GMDS: variants seen among roughly 807,000 people sequenced by gnomAD.
The protein encoded by GMDS is GDP-mannose 4,6 dehydratase.
GMDS carries 20 observed loss-of-function variants against 49.9 expected under a neutral mutation model. The ratio of observed to expected loss-of-function variants is 0.40; its 90% CI spans 0.28 to 0.58. The LOEUF (loss-of-function observed/expected upper bound fraction) is 0.58. Ranked by LOEUF, GMDS falls within the 20% of genes least tolerant of loss-of-function variation. GMDS has a pLI of 0.42. For missense variants in GMDS, 362 were observed against 481.4 expected (o/e 0.75, Z 2.32); for synonymous variants, 177 against 178.6 (o/e 0.99, Z 0.07).
intron 1 of GMDS, among the ~76,000 whole-genome samples, chr6:2,146,054 C>G (rs544371860): frequency 6.6e-6 from 1 of 152,164 alleles, no homozygotes; most frequent in Non-Finnish European, 1.5e-5. Flanking sequence ...ATGAAAGATC[C>G]TGAGTTTTCA....
At chr6:2,075,086 G>A (rs9501799) in intron 4 of GMDS, among the ~76,000 whole-genome samples, 3,980 of 152,112 alleles carry the variant, frequency 0.026, 201 homozygotes, top group African/African-American at 0.09. Context: ...GATGCTTCCA[G>A]CTTTATTCCT....
intron 1 of GMDS, among the ~76,000 whole-genome samples, chr6:2,168,625 T>C (rs1213215970): frequency 2.0e-5 from 3 of 152,266 alleles, no homozygotes; most frequent in African/African-American, 4.8e-5. Context: ...GCTTTTTCTT[T>C]TCTTTGCTGT....
At chr6:1,917,552 A>G (rs1295335486) in intron 7 of GMDS, among the ~76,000 whole-genome samples, 1 of 152,234 alleles carries the variant, frequency 6.6e-6, no homozygotes, top group Non-Finnish European at 1.5e-5. Flanking sequence ...AGATCTTTAT[A>G]TTTTATTTTC....
intron 6 of GMDS, among the ~76,000 whole-genome samples, chr6:1,958,087 T>C (rs2127292931): frequency 6.6e-6 from 1 of 150,594 alleles, no homozygotes; most frequent in South Asian, 2.1e-4. Context: ...ATTACAGATG[T>C]GGGGCACTGT....
chr6:2,074,906 T>G (rs1772235255), intron 4 of GMDS, among the ~76,000 whole-genome samples: 1 of 152,212 alleles, frequency 6.6e-6, no homozygotes, highest in African/African-American at 2.4e-5. Context: ...GAGGGTGTAC[T>G]TTCCCTAACG....
chr6:1,740,399 A>T (rs1388876296), intron 8 of GMDS, among the ~76,000 whole-genome samples: 1 of 152,096 alleles, frequency 6.6e-6, no homozygotes, highest in Non-Finnish European at 1.5e-5. Context: ...TCTACTAAAA[A>T]TACAAAAATT....
intron 7 of GMDS, among the ~76,000 whole-genome samples, chr6:1,799,663 GGGAGGGAGAATTAAAACT>G (rs1459889061): frequency 1.3e-5 from 2 of 152,144 alleles, no homozygotes; most frequent in African/African-American, 2.4e-5. Flanking sequence ...GGGCTGGGGA[GGGAGGGAGAATTAAAACT>G]GGAGGGAGAC....
chr6:2,145,761 C>T (rs542734564), intron 1 of GMDS, among the ~76,000 whole-genome samples: 5 of 152,086 alleles, frequency 3.3e-5, no homozygotes, highest in African/African-American at 4.8e-5. Context: ...TTAAAGTATA[C>T]GGAGGACTGC....
chr6:2,112,117 A>G (rs538018479), intron 4 of GMDS, among the ~76,000 whole-genome samples: 1 of 152,358 alleles, frequency 6.6e-6, no homozygotes, highest in South Asian at 2.1e-4. Context: ...TTCGAAGGAC[A>G]TTCTAAGAGG....
chr6:2,002,314 A>C (rs1766873075), intron 4 of GMDS, among the ~76,000 whole-genome samples: 1 of 152,200 alleles, frequency 6.6e-6, no homozygotes, highest in South Asian at 2.1e-4. Context: ...ATAATCAACA[A>C]AAGTTATGTA....
At chr6:1,626,973 C>T (rs1277937632) in intron 9 of GMDS, among the ~76,000 whole-genome samples, 1 of 152,234 alleles carries the variant, frequency 6.6e-6, no homozygotes, top group Admixed American at 6.5e-5. Flanking sequence ...AGCCTAGCTC[C>T]AATACTGCAG....
intron 7 of GMDS, among the ~76,000 whole-genome samples, chr6:1,811,353 C>A (rs1207888819): frequency 6.6e-6 from 1 of 152,160 alleles, no homozygotes; most frequent in Non-Finnish European, 1.5e-5. Context: ...ACAAACAAGT[C>A]ATGGAAGCCT....
intron 1 of GMDS, among the ~76,000 whole-genome samples, chr6:2,213,997 C>G (rs1432063740): frequency 6.6e-6 from 1 of 152,124 alleles, no homozygotes; most frequent in African/African-American, 2.4e-5. Flanking sequence ...GATTCCAGAT[C>G]TGGTGCAGGA....
intron 4 of GMDS, among the ~76,000 whole-genome samples, chr6:1,984,547 C>T (rs938164145): frequency 6.6e-6 from 1 of 152,160 alleles, no homozygotes; most frequent in South Asian, 2.1e-4. Flanking sequence ...CTCCTAGTGA[C>T]CCTAATGTCC....
At chr6:1,811,727 G>A (rs1034459168) in intron 7 of GMDS, among the ~76,000 whole-genome samples, 2 of 152,036 alleles carry the variant, frequency 1.3e-5, no homozygotes, top group Non-Finnish European at 2.9e-5. Flanking sequence ...ACTGCACACA[G>A]TAGGCACTCC....
Position 1,778,833 on chromosome 6 carries a change from T to C in GMDS, c.772-36247A>G, listed in dbSNP as rs979289291. ...AGCTCTGCAGTCAGAACTTGGCCCC[T>C]TGCATTTTCTTGTTTTTTTTTTCTC... On this transcript the variant is annotated intron_variant, in intron 7 of 10. Transcript: ENST00000380815. This position sits in a 1 kb window ranked among gnomAD's most constrained non-coding sequence, Gnocchi z 4.6. Among the ~76,000 whole-genome samples, 2 of 151,844 alleles carry C rather than the reference T, an allele frequency of 1.3e-5. No individual in the cohort carries two copies. Among genetic ancestry groups the C allele is most frequent in the African/African-American group, 4.8e-5 (2 of 41,328 alleles).
intron 4 of GMDS, among the ~76,000 whole-genome samples, chr6:2,007,604 T>C (rs1056041956): frequency 8.5e-5 from 13 of 152,256 alleles, no homozygotes; most frequent in Middle Eastern, 3.4e-3. Context: ...TTTCCAACTT[T>C]TATTTTACGT....
At chr6:2,023,880 T>C (rs549884308) in intron 4 of GMDS, among the ~76,000 whole-genome samples, 1 of 152,190 alleles carries the variant, frequency 6.6e-6, no homozygotes, top group South Asian at 2.1e-4. Context: ...CTAATAAAGG[T>C]TACATAGGAA....
intron 9 of GMDS, chr6:1,624,835 T>C (rs1762802312): frequency 7.1e-6 from 2 of 280,306 alleles, no homozygotes; most frequent in Non-Finnish European, 6.5e-6. Context: ...TGCTTTTTTT[T>C]TTTTTTTTTT....
Sources: gnomAD v4.1 joint callset for allele counts (sites outside exome capture counted in the v4.1 genomes callset) on GRCh38, gnomAD v4.1.1 for gene constraint, Gnocchi (gnomAD v3.1) non-coding constraint, MANE v1.5 for transcripts, NCBI Gene and HGNC (gene_info 2026-07-23, HGNC 2026-07-21) for gene names.